TSHZ1: variants seen among roughly 807,000 people sequenced by gnomAD.
TSHZ1 encodes teashirt homolog 1.
TSHZ1 carries 12 observed loss-of-function variants against 67.1 expected under a neutral mutation model. The ratio of observed to expected loss-of-function variants is 0.18; its 90% CI spans 0.11 to 0.29. The LOEUF (loss-of-function observed/expected upper bound fraction) is 0.29. Among genes scored for constraint, TSHZ1 ranks in the 10% least tolerant of loss-of-function variants. The probability of loss-of-function intolerance (pLI) is 1.00; values close to 1 mark genes in which losing one functional copy is unlikely to be tolerated. For synonymous variants in TSHZ1, 632 were observed against 622.4 expected, an observed-to-expected ratio of 1.02 and a Z score of -0.23; for missense variants, 1,305 against 1,413.9, an observed-to-expected ratio of 0.92 and a Z score of 1.23.
chr18:75,263,925 C>T (rs2023459520), intron 1 of TSHZ1, among the ~76,000 whole-genome samples: 1 of 152,206 alleles, frequency 6.6e-6, no homozygotes, highest in Non-Finnish European at 1.5e-5. Flanking sequence ...AGATGCTTTT[C>T]AGCTATAATT....
At chr18:75,236,595 G>A (rs565738353) in intron 1 of TSHZ1, among the ~76,000 whole-genome samples, 1 of 152,138 alleles carries the variant, frequency 6.6e-6, no homozygotes, top group Non-Finnish European at 1.5e-5. Context: ...ACAGCAGAAG[G>A]TTTGGAGTTT....
chr18:75,222,020 A>G (rs2022851604), intron 1 of TSHZ1, among the ~76,000 whole-genome samples: 1 of 152,232 alleles, frequency 6.6e-6, no homozygotes, highest in Non-Finnish European at 1.5e-5. Flanking sequence ...TAAGTCAGCC[A>G]GGAAGTGATT....
At chr18:75,244,746 C>T (rs1004887970) in intron 1 of TSHZ1, 1 of 152,206 alleles carries the variant, frequency 6.6e-6, no homozygotes, top group Admixed American at 6.5e-5. Context: ...TTCAGTGCCC[C>T]GTGTTTCCTG....
At chr18:75,272,749 A>G (rs2023573082) in intron 1 of TSHZ1, among the ~76,000 whole-genome samples, 1 of 152,208 alleles carries the variant, frequency 6.6e-6, no homozygotes, top group African/African-American at 2.4e-5. Flanking sequence ...CAATCCAAGT[A>G]TGTTAATGTG....
chr18:75,248,147 A>C (rs2023247420), intron 1 of TSHZ1, among the ~76,000 whole-genome samples: 1 of 152,240 alleles, frequency 6.6e-6, no homozygotes, highest in Non-Finnish European at 1.5e-5. Context: ...CTCATACTGG[A>C]AACTGTATCC....
chr18:75,215,027 A>G (rs1340799074), intron 1 of TSHZ1, among the ~76,000 whole-genome samples: 6 of 152,124 alleles, frequency 3.9e-5, no homozygotes, highest in Non-Finnish European at 8.8e-5. Flanking sequence ...TCACCGAGAC[A>G]ATGCTGCTTA....
In TSHZ1 at chr18:75,286,122, G is replaced by A. The variant is rs140202650; in HGVS notation, c.715G>A (p.Val239Ile). 1.7e-5 allele frequency: 27 copies of A among 1,613,004 alleles called. No homozygotes were observed. Among genetic ancestry groups the A allele is most frequent in the East Asian group, 1.1e-4 (5 of 44,832 alleles). ...YRQNNKLYGSVFTGASKFRCK... is the reference protein window; with the variant it reads ...YRQNNKLYGSIFTGASKFRCK... ...CCAGAACAACAAGCTCTACGGCTCC[G>A]TCTTCACGGGCGCCAGCAAGTTCCG... The change falls in exon 2 of 2, where the codon GTC (valine) becomes ATC (isoleucine). Residue 239 changes from valine to isoleucine, a missense_variant. By Grantham distance (29) the Val-to-Ile change is conservative (BLOSUM62 3). Coordinates refer to ENST00000580243, the MANE Select transcript of TSHZ1 (RefSeq NM_001308210.2). This position sits in a 1 kb window ranked among gnomAD's most constrained non-coding sequence, Gnocchi z 5.1.
chr18:75,249,130 C>T (rs1057102153), intron 1 of TSHZ1, among the ~76,000 whole-genome samples: 1 of 152,130 alleles, frequency 6.6e-6, no homozygotes. Context: ...GGCTCCAGGC[C>T]GTGGCTGCTC....
rs188516202 is a variant in TSHZ1, at chr18:75,270,047, C to T, written c.41-15401C>T. 2.0e-3 allele frequency among the ~76,000 whole-genome samples: 302 copies of T among 152,334 alleles called. 1 individual carries two copies. Among genetic ancestry groups the T allele is most frequent in the Non-Finnish European group, 2.1e-3 (144 of 68,034 alleles). On this transcript the variant is annotated intron_variant, in intron 1 of 1. Transcript: ENST00000580243. ...TCATGTAGACAAGAACCTGATTTTGCAAACAGCCTATTCCGAAATTGGAAT... is the reference window on the plus strand; with the variant it reads ...TCATGTAGACAAGAACCTGATTTTGTAAACAGCCTATTCCGAAATTGGAAT...
chr18:75,267,302 A>G (rs1329028266), intron 1 of TSHZ1, among the ~76,000 whole-genome samples: 3 of 152,234 alleles, frequency 2.0e-5, no homozygotes, highest in Admixed American at 1.3e-4. Context: ...TTGGACACAT[A>G]GGATAGTCAC....
chr18:75,287,980 C>T lies in TSHZ1; in HGVS notation c.2573C>T (p.Pro858Leu). The change falls in exon 2 of 2, where the codon CCC becomes CTC. Residue 858 changes from proline to leucine, a missense_variant. By Grantham distance (98) the Pro-to-Leu change is moderately conservative. Transcript: ENST00000580243. This position sits in a 1 kb window ranked among gnomAD's most constrained non-coding sequence, Gnocchi z 5.0. ...CGCCTGACGCCCAAGTCCTCCACGC[C>T]CTCCACAGTTTCAGAGAAGTCCGAT... ...TGRLTPKSST[P>L]STVSEKSDAD... 1 of 1,614,194 alleles carries T rather than the reference C, an allele frequency of 6.2e-7. No individual in the cohort carries two copies. The highest frequency in any genetic ancestry group is 1.1e-5 in the South Asian group (1 of 91,084).
chr18:75,285,193 C>T (rs2023735261), intron 1 of TSHZ1: 1 of 321,880 alleles, frequency 3.1e-6, no homozygotes, highest in African/African-American at 2.1e-5. Flanking sequence ...CTGCAAGGGT[C>T]AAACTGACAT....
intron 1 of TSHZ1, among the ~76,000 whole-genome samples, chr18:75,240,102 T>G (rs149383544): frequency 6.6e-6 from 1 of 152,232 alleles, no homozygotes; most frequent in African/African-American, 2.4e-5. Context: ...AATTATGAAC[T>G]TTTGACCTTA....
chr18:75,287,117 G>T lies in TSHZ1; in HGVS notation c.1710G>T (p.Ala570=). ...CCATTAGCAAAGCTCAGAATGGTGC[G>T]CCCTCATGGGGTGGCTACCCCAGCA... ...STAISKAQNG[A]PSWGGYPSIH... is the part of the protein sequence containing the mutation. The change falls in exon 2 of 2, where the codon GCG becomes GCT. Residue 570 remains alanine, a synonymous_variant. Coordinates refer to ENST00000580243, the MANE Select transcript of TSHZ1 (RefSeq NM_001308210.2). The surrounding 1 kb of genome is among the most constrained non-coding windows in gnomAD (Gnocchi z 5.0). 6.2e-7 allele frequency: 1 copy of T among 1,614,086 alleles called. No individual in the cohort carries two copies. The highest frequency in any genetic ancestry group is 8.5e-7 in the Non-Finnish European group (1 of 1,180,018).
At chr18:75,282,952 C>T (rs1405491495) in intron 1 of TSHZ1, 1 of 152,294 alleles carries the variant, frequency 6.6e-6, no homozygotes, top group Admixed American at 6.5e-5. Context: ...GACGGGCTCC[C>T]CGAACTGAGC....
chr18:75,266,766 C>A (rs528208893), intron 1 of TSHZ1, among the ~76,000 whole-genome samples: 12 of 152,172 alleles, frequency 7.9e-5, no homozygotes, highest in Non-Finnish European at 1.5e-4. Flanking sequence ...GGCGGGGACT[C>A]CCTGGGACTG....
chr18:75,249,474 G>A (rs2023266372), intron 1 of TSHZ1, among the ~76,000 whole-genome samples: 1 of 147,016 alleles, frequency 6.8e-6, no homozygotes, highest in Non-Finnish European at 1.5e-5. Context: ...GATGGGGGTG[G>A]CTTTGGTAGG....
At chr18:75,266,951 TG>T (rs1259217012) in intron 1 of TSHZ1, among the ~76,000 whole-genome samples, 2 of 152,242 alleles carry the variant, frequency 1.3e-5, no homozygotes, top group African/African-American at 2.4e-5. Context: ...TTGCAGTGTG[TG>T]CTTAGAAATG....
At chr18:75,278,284 A>C (rs1003326800) in intron 1 of TSHZ1, among the ~76,000 whole-genome samples, 8 of 152,078 alleles carry the variant, frequency 5.3e-5, no homozygotes, top group African/African-American at 1.7e-4. Flanking sequence ...CTGGCTTCCC[A>C]AAGTGATTTG....
Sources: gnomAD v4.1 joint callset for allele counts (sites outside exome capture counted in the v4.1 genomes callset) on GRCh38, gnomAD v4.1.1 for gene constraint, Gnocchi (gnomAD v3.1) non-coding constraint, MANE v1.5 for transcripts, NCBI Gene and HGNC (gene_info 2026-07-23, HGNC 2026-07-21) for gene names.